The following LRRC4C variants were observed in gnomAD, a reference collection of about 807,000 sequenced individuals.
LRRC4C encodes the protein leucine-rich repeat-containing protein 4C.
Under a neutral mutation model 33.6 loss-of-function variants are expected in LRRC4C, and 5 were observed. The ratio of observed to expected loss-of-function variants is 0.15; its 90% CI spans 0.08 to 0.31. The LOEUF (loss-of-function observed/expected upper bound fraction) is 0.31. Among genes scored for constraint, LRRC4C ranks in the 10% least tolerant of loss-of-function variants. The pLI is 1.00. For missense variants in LRRC4C, 560 were observed against 796.7 expected, an observed-to-expected ratio of 0.70 and a Z score of 3.58; for synonymous variants, 329 against 302.0, an observed-to-expected ratio of 1.09 and a Z score of -0.93.
intron 2 of LRRC4C, among the ~76,000 whole-genome samples, chr11:40,688,249 A>C (rs1369492502): frequency 6.6e-6 from 1 of 152,106 alleles, no homozygotes; most frequent in Non-Finnish European, 1.5e-5. Context: ...GTGGAACTGA[A>C]GACCTAACTT....
intron 1 of LRRC4C, among the ~76,000 whole-genome samples, chr11:41,450,789 C>T (rs1246029321): frequency 3.9e-5 from 6 of 152,088 alleles, no homozygotes; most frequent in African/African-American, 1.4e-4. Flanking sequence ...TGATGTATTT[C>T]CTTACTCTAT....
chr11:41,363,475 G>T (rs1023639837), intron 1 of LRRC4C, among the ~76,000 whole-genome samples: 1 of 152,058 alleles, frequency 6.6e-6, no homozygotes, highest in African/African-American at 2.4e-5. Flanking sequence ...TTTTGATTCT[G>T]AATACCCCTG....
At chr11:40,626,059 G>T (rs1164090261) in intron 3 of LRRC4C, among the ~76,000 whole-genome samples, 1 of 151,992 alleles carries the variant, frequency 6.6e-6, no homozygotes, top group Non-Finnish European at 1.5e-5. Flanking sequence ...AGAGTACAAG[G>T]CCCAACATGT....
chr11:41,085,563 G>C (rs1258100869), intron 1 of LRRC4C, among the ~76,000 whole-genome samples: 1 of 152,042 alleles, frequency 6.6e-6, no homozygotes, highest in African/African-American at 2.4e-5. Context: ...ATAACTCAAT[G>C]CCTAGTCTGT....
chr11:40,720,808 A>T (rs879279870), intron 2 of LRRC4C, among the ~76,000 whole-genome samples: 1 of 152,230 alleles, frequency 6.6e-6, no homozygotes, highest in East Asian at 1.9e-4. Context: ...GGTGATTTAT[A>T]GTATGATGTA....
chr11:40,212,809 G>A (rs779940169), intron 5 of LRRC4C, among the ~76,000 whole-genome samples: 1 of 152,104 alleles, frequency 6.6e-6, no homozygotes, highest in Non-Finnish European at 1.5e-5. Flanking sequence ...TCCAAGCAGG[G>A]TAGTTTCAGA....
At chr11:41,393,755 C>A (rs1432296760) in intron 1 of LRRC4C, among the ~76,000 whole-genome samples, 1 of 151,898 alleles carries the variant, frequency 6.6e-6, no homozygotes, top group African/African-American at 2.4e-5. Flanking sequence ...ATACTTTATG[C>A]TACAGTATCC....
At chr11:40,447,930 C>T (rs1357550445) in intron 3 of LRRC4C, among the ~76,000 whole-genome samples, 1 of 152,144 alleles carries the variant, frequency 6.6e-6, no homozygotes, top group Non-Finnish European at 1.5e-5. Flanking sequence ...GATTCTCCTG[C>T]CTCAGCCTAC....
intron 2 of LRRC4C, among the ~76,000 whole-genome samples, chr11:40,683,248 C>T (rs1334844832): frequency 6.6e-6 from 1 of 152,144 alleles, no homozygotes; most frequent in African/African-American, 2.4e-5. Flanking sequence ...TATAGGTATG[C>T]TCGGCATCCC....
intron 1 of LRRC4C, among the ~76,000 whole-genome samples, chr11:41,002,479 C>A (rs572126059): frequency 1.3e-5 from 2 of 152,220 alleles, no homozygotes; most frequent in South Asian, 4.1e-4. Context: ...TGTTTCTGGG[C>A]AGTCATCAGA....
At chr11:41,444,806 A>AT (rs34560547) in intron 1 of LRRC4C, among the ~76,000 whole-genome samples, 95,982 of 146,550 alleles carry the variant, frequency 0.65, 31,991 homozygotes, top group African/African-American at 0.75. Flanking sequence ...GTCTAACTTA[A>AT]TTTTTTTTTT....
intron 1 of LRRC4C, among the ~76,000 whole-genome samples, chr11:40,951,675 C>T (rs1055786594): frequency 6.6e-6 from 1 of 151,868 alleles, no homozygotes; most frequent in Non-Finnish European, 1.5e-5. Context: ...ATAAGGGAAT[C>T]CTCTATTAAA....
chr11:40,946,393 CG>C (rs1456324833), intron 1 of LRRC4C, among the ~76,000 whole-genome samples: 5 of 152,254 alleles, frequency 3.3e-5, no homozygotes, highest in African/African-American at 1.2e-4. Flanking sequence ...CTGTTATAAA[CG>C]TATCAGTGTA....
chr11:40,538,462 T>C (rs919693391), intron 3 of LRRC4C, among the ~76,000 whole-genome samples: 1 of 152,204 alleles, frequency 6.6e-6, no homozygotes, highest in Non-Finnish European at 1.5e-5. Context: ...GGACATGAAC[T>C]TATCCTTTTT....
chr11:40,804,978 GCT>G (rs984180171), intron 2 of LRRC4C, among the ~76,000 whole-genome samples: 1 of 152,198 alleles, frequency 6.6e-6, no homozygotes, highest in South Asian at 2.1e-4. Context: ...ACATTTCTTG[GCT>G]TGGCCACCCA....
intron 4 of LRRC4C, among the ~76,000 whole-genome samples, chr11:40,270,918 A>G (rs946963030): frequency 6.6e-6 from 1 of 152,134 alleles, no homozygotes. Context: ...GGGGAGCTCA[A>G]TTTAATGCTT....
chr11:41,344,083 T>C (rs1951722442), intron 1 of LRRC4C, among the ~76,000 whole-genome samples: 1 of 152,168 alleles, frequency 6.6e-6, no homozygotes, highest in Non-Finnish European at 1.5e-5. Context: ...TTGATGATTG[T>C]GTCGTTCACT....
intron 3 of LRRC4C, among the ~76,000 whole-genome samples, chr11:40,525,953 A>G (rs1245396445): frequency 2.0e-5 from 3 of 152,188 alleles, no homozygotes. Flanking sequence ...CACTTTATTC[A>G]TAACAAAAAG....
chr11:40,795,625 A>C (rs2135215626), intron 2 of LRRC4C, among the ~76,000 whole-genome samples: 1 of 152,340 alleles, frequency 6.6e-6, no homozygotes, highest in African/African-American at 2.4e-5. Flanking sequence ...GCTTTGTGTT[A>C]GGTAGAAATT....
Sources: allele counts gnomAD v4.1 joint callset (sites outside exome capture counted in the v4.1 genomes callset), GRCh38; gene constraint gnomAD v4.1.1; transcripts MANE v1.5; gene names NCBI Gene and HGNC (gene_info 2026-07-23, HGNC 2026-07-21).